Variants in SMIM40 observed in about 807,000 individuals in gnomAD.
The protein encoded by SMIM40 is small integral membrane protein 40.
chr6:33,328,937 C>A, intron 1 of SMIM40, 50 bp downstream of exon 1: 3 of 351,766 alleles, frequency 8.5e-6, no homozygotes, highest in East Asian at 4.5e-5. Context: ...ATCCAAGCAT[C>A]TCCTCCATAG....
intron 1 of SMIM40, among the ~76,000 whole-genome samples, chr6:33,328,706 G>C (rs930145607): frequency 6.6e-6 from 1 of 151,770 alleles, no homozygotes; most frequent in South Asian, 2.1e-4. Flanking sequence ...GACTAACATG[G>C]AGAAACCTTG....
chr6:33,325,809 G>C (rs1771137267), intron 1 of SMIM40, among the ~76,000 whole-genome samples: 1 of 146,168 alleles, frequency 6.8e-6, no homozygotes, highest in Non-Finnish European at 1.5e-5. Flanking sequence ...AGTGAGCCGA[G>C]ATCGCGCCAC....
At chr6:33,324,545 C>CTTTTTTTTTTTTTTTTTTTTCTTTCTTTT (rs1771016693) in intron 1 of SMIM40, among the ~76,000 whole-genome samples, 2 of 103,216 alleles carry the variant, frequency 1.9e-5, no homozygotes, top group African/African-American at 3.6e-5. Flanking sequence ...ACCACCTTTT[C>CTTTTTTTTTTTTTTTTTTTTCTTTCTTTT]TTTTTTTTTT....
At chr6:33,324,882 C>CAAAAAAAAAAA (rs376451265) in intron 1 of SMIM40, among the ~76,000 whole-genome samples, 43 of 47,252 alleles carry the variant, frequency 9.1e-4, no homozygotes, top group South Asian at 1.4e-3. Flanking sequence ...GAGATTATCT[C>CAAAAAAAAAAA]AAAAAAAAAA....
At position 33,329,088 on chromosome 6, in the gene SMIM40, A is replaced by G; in HGVS notation, c.178T>C (p.Trp60Arg). The change falls in exon 1 of 3, where the codon TGG becomes CGG. Residue 60 changes from tryptophan (W) to arginine (R), a missense_variant. Coordinates refer to ENST00000494082, the MANE Select transcript of SMIM40 (RefSeq NM_001369203.1). ...AAYKLLWLLL[W>R]AKLGDWLLGT... ...AGGAGCCAGTCCCCTAACTTTGCCC[A>G]TAGTAGTAACCACAGCAGCTTATAA... 2 of 398,774 alleles carry G rather than the reference A, an allele frequency of 5.0e-6. No homozygotes were observed. Among genetic ancestry groups the G allele is most frequent in the Non-Finnish European group, 8.8e-6 (2 of 226,220 alleles). The allele number at this position is 398,774 out of a possible 1,614,324, so 24.7% of individuals were successfully genotyped here. A position where few individuals can be genotyped will look rare whatever the true frequency, so the allele number is the denominator to read the frequency against.
chr6:33,328,100 A>C (rs1043255419), intron 1 of SMIM40, among the ~76,000 whole-genome samples: 2 of 151,750 alleles, frequency 1.3e-5, no homozygotes, highest in African/African-American at 4.8e-5. Context: ...AAAAAATAAA[A>C]ATTAAAAAAT....
At position 33,323,873 on chromosome 6, in the gene SMIM40, C is replaced by G. The variant is rs374572230; in HGVS notation, c.*100-9G>C. 2.0e-5 allele frequency: 3 copies of G among 152,290 alleles called. No individual in the cohort carries two copies. The highest frequency in any genetic ancestry group is 3.9e-4 in the East Asian group (2 of 5,186). The allele number at this position is 152,290 out of a possible 1,614,324, so 9.4% of individuals were successfully genotyped here. A position where few individuals can be genotyped will look rare whatever the true frequency, so the allele number is the denominator to read the frequency against. ...TGCCGCTGCGAGGGCTGCTGTGAGGCGAAATGAGGCTCATAAAATACTTTG... is the reference window on the plus strand; with the variant it reads ...TGCCGCTGCGAGGGCTGCTGTGAGGGGAAATGAGGCTCATAAAATACTTTG... On this transcript the variant is annotated splice_polypyrimidine_tract_variant and intron_variant, in intron 2 of 2. Coordinates refer to ENST00000494082, the MANE Select transcript of SMIM40 (RefSeq NM_001369203.1).
chr6:33,324,360 T>A (rs541625369), intron 1 of SMIM40, among the ~76,000 whole-genome samples: 12 of 150,664 alleles, frequency 8.0e-5, no homozygotes, highest in East Asian at 3.9e-4. Context: ...CATTCTTCAC[T>A]TCTCCTTTTA....
intron 1 of SMIM40, 101 bp downstream of exon 1, chr6:33,328,886 C>CAAAA (rs9280408): frequency 1.1e-5 from 3 of 275,612 alleles, no homozygotes; most frequent in African/African-American, 2.6e-5. Context: ...AACTCCATCT[C>CAAAA]AAAAAAAAAA....
chr6:33,327,238 T>C (rs1161727995), intron 1 of SMIM40, among the ~76,000 whole-genome samples: 1 of 147,374 alleles, frequency 6.8e-6, no homozygotes. Context: ...CTGGCCAATA[T>C]GGTGACACCC....
chr6:33,328,080 C>T (rs922888527), intron 1 of SMIM40, among the ~76,000 whole-genome samples: 53 of 146,058 alleles, frequency 3.6e-4, no homozygotes, highest in Admixed American at 1.4e-3. Flanking sequence ...AGCAAGACTC[C>T]ATCTCAAAAA....
At chr6:33,325,775 G>A (rs1383618065) in intron 1 of SMIM40, among the ~76,000 whole-genome samples, 8 of 146,602 alleles carry the variant, frequency 5.5e-5, no homozygotes, top group Non-Finnish European at 8.9e-5. Flanking sequence ...GGAGAATGGC[G>A]TGAACCCGGG....
In SMIM40 at chr6:33,326,697, C is replaced by T. The variant is rs1261173882; in HGVS notation, c.*39+2290G>A. Among the ~76,000 whole-genome samples, 3 of 146,712 alleles carry T rather than the reference C, an allele frequency of 2.0e-5. 1 individual carries two copies. The highest frequency in any genetic ancestry group is 6.7e-5 in the Admixed American group (1 of 14,856). On this transcript the variant is annotated intron_variant, in intron 1 of 2. Coordinates refer to ENST00000494082, the MANE Select transcript of SMIM40 (RefSeq NM_001369203.1). ...AAAAATAGCCAGGCGTGGTCGTGGG[C>T]GCCTGTAATCCCAGCTATTTGGGAG...
intron 1 of SMIM40, among the ~76,000 whole-genome samples, chr6:33,326,551 A>G (rs2151009182): frequency 6.7e-6 from 1 of 148,752 alleles, no homozygotes; most frequent in African/African-American, 2.6e-5. Flanking sequence ...GGGGCCAGGC[A>G]TGGTGACTCA....
chr6:33,326,993 G>A (rs1198394944), intron 1 of SMIM40, among the ~76,000 whole-genome samples: 2 of 147,900 alleles, frequency 1.4e-5, no homozygotes, highest in Non-Finnish European at 3.0e-5. Context: ...GTGTAGTGGC[G>A]GGCGCCTGTA....
chr6:33,326,395 C>T (rs1371067263), intron 1 of SMIM40, among the ~76,000 whole-genome samples: 1 of 146,158 alleles, frequency 6.8e-6, no homozygotes, highest in African/African-American at 2.7e-5. Context: ...CCAGGCTGGT[C>T]TCAAACTCCT....
chr6:33,327,267 C>A (rs1212612169), intron 1 of SMIM40, among the ~76,000 whole-genome samples: 1 of 144,718 alleles, frequency 6.9e-6, no homozygotes, highest in Admixed American at 6.8e-5. Context: ...ACTAAAAATA[C>A]AAAAATTAGC....
At chr6:33,324,114 C>T (rs1770979368) in intron 1 of SMIM40, 84 bp from the exon 2 acceptor site, 1 of 152,184 alleles carries the variant, frequency 6.6e-6, no homozygotes, top group Non-Finnish European at 1.5e-5. Flanking sequence ...TGCCACTTAA[C>T]TAGGGTCACA....
chr6:33,325,851 C>G lies in SMIM40; in HGVS notation c.*40-1821G>C, dbSNP rs1771139375. ...CCAGCCTGGGCGACAGAGCGAGACT[C>G]CGTCTTAAAAAAAAAAAAAAAAGTG... is the stretch of plus-strand genomic sequence containing the variant. On this transcript the variant is annotated intron_variant, in intron 1 of 2. Coordinates refer to ENST00000494082, the MANE Select transcript of SMIM40 (RefSeq NM_001369203.1). Among the ~76,000 whole-genome samples the G allele has an allele frequency of 1.4e-5, 2 of 144,512 alleles. 1 individual carries two copies. The highest frequency in any genetic ancestry group is 5.6e-5 in the African/African-American group (2 of 35,584). The allele number at this position is 144,512 out of a possible 152,430, so 94.8% of individuals were successfully genotyped here.
Sources: allele counts gnomAD v4.1 joint callset (sites outside exome capture counted in the v4.1 genomes callset), GRCh38; gene constraint gnomAD v4.1.1; transcripts MANE v1.5; gene names NCBI Gene and HGNC (gene_info 2026-07-23, HGNC 2026-07-21).